CADM2: variants seen among roughly 807,000 people sequenced by gnomAD.
The protein encoded by CADM2 is cell adhesion molecule 2.
Under a neutral mutation model 49.8 loss-of-function variants are expected in CADM2, and 12 were observed. The observed-to-expected ratio is 0.24, with a 90% CI of 0.15 to 0.39. CADM2 has a LOEUF of 0.39. CADM2 is among the 10% of genes least tolerant of loss of function. CADM2 has a pLI of 1.00. For missense variants in CADM2, 378 were observed against 492.3 expected, an observed-to-expected ratio of 0.77 and a Z score of 2.20; for synonymous variants, 214 against 175.4, an observed-to-expected ratio of 1.22 and a Z score of -1.74.
In CADM2 at chr3:85,183,239, C is replaced by A. The variant is rs540982425; in HGVS notation, c.61+223571C>A. The stretch of plus-strand genomic sequence containing the variant: ...AGATTCATTTACTGCACAATGAATG[C>A]AGTTTTATTTTCCACAAAAATTCAC... On this transcript the variant is annotated intron_variant, in intron 1 of 9. Coordinates refer to ENST00000383699, the MANE Select transcript of CADM2 (RefSeq NM_001167675.2). 3.3e-5 allele frequency among the ~76,000 whole-genome samples: 5 copies of A among 152,222 alleles called. No individual in the cohort carries two copies. In the South Asian group the frequency reaches 1.0e-3, roughly 32 times the overall value.
intron 1 of CADM2, among the ~76,000 whole-genome samples, chr3:85,366,962 C>T (rs2032831018): frequency 6.6e-6 from 1 of 151,940 alleles, no homozygotes; most frequent in Non-Finnish European, 1.5e-5. Flanking sequence ...TATTAGTTAA[C>T]ACAGCTATGT....
At chr3:85,444,846 G>A (rs571461704) in intron 1 of CADM2, among the ~76,000 whole-genome samples, 1 of 152,236 alleles carries the variant, frequency 6.6e-6, no homozygotes, top group South Asian at 2.1e-4. Flanking sequence ...ATAAGGCATT[G>A]AGGAAGAAAA....
intron 1 of CADM2, among the ~76,000 whole-genome samples, chr3:85,653,471 G>A (rs763048972): frequency 6.6e-6 from 1 of 151,616 alleles, no homozygotes. Flanking sequence ...AGTATAAAAG[G>A]ACCCCAAGGT....
intron 1 of CADM2, among the ~76,000 whole-genome samples, chr3:85,135,957 C>T (rs1193145854): frequency 2.0e-5 from 3 of 151,848 alleles, no homozygotes; most frequent in African/African-American, 7.2e-5. Context: ...AGTAGAGACC[C>T]TAGAGATTTA....
chr3:85,900,296 G>T (rs1715935817), intron 5 of CADM2, among the ~76,000 whole-genome samples: 1 of 152,116 alleles, frequency 6.6e-6, no homozygotes, highest in African/African-American at 2.4e-5. Context: ...ATGGTAGTGT[G>T]TCTCAACCTT....
intron 1 of CADM2, among the ~76,000 whole-genome samples, chr3:85,166,940 A>G (rs1249055712): frequency 6.6e-6 from 1 of 152,046 alleles, no homozygotes; most frequent in Non-Finnish European, 1.5e-5. Flanking sequence ...CTGAAAACAA[A>G]TGTTCAACCA....
intron 7 of CADM2, among the ~76,000 whole-genome samples, chr3:85,957,063 A>T (rs546952579): frequency 6.6e-6 from 1 of 151,774 alleles, no homozygotes; most frequent in East Asian, 2.0e-4. Context: ...GACTTTGTGG[A>T]AAGGGCAAGA....
intron 1 of CADM2, among the ~76,000 whole-genome samples, chr3:85,619,001 C>G (rs1303949086): frequency 6.6e-6 from 1 of 151,482 alleles, no homozygotes; most frequent in African/African-American, 2.4e-5. Flanking sequence ...AGATCGGCCA[C>G]TGCACTCCAG....
At chr3:84,990,454 T>C (rs1477699547) in intron 1 of CADM2, among the ~76,000 whole-genome samples, 1 of 151,838 alleles carries the variant, frequency 6.6e-6, no homozygotes, top group African/African-American at 2.4e-5. Flanking sequence ...AATTTTGAAG[T>C]AGTTTAAAGG....
intron 1 of CADM2, among the ~76,000 whole-genome samples, chr3:85,562,944 T>C (rs1015031710): frequency 3.3e-5 from 5 of 152,198 alleles, no homozygotes; most frequent in African/African-American, 9.6e-5. Flanking sequence ...AGGGAAATCA[T>C]GGCCTTACAT....
In CADM2 at chr3:85,066,485, C is replaced by G. The variant is rs151232860; in HGVS notation, c.61+106817C>G. On this transcript the variant is annotated intron_variant, in intron 1 of 9. Transcript: ENST00000383699. ...GTTTTGACTTTATGACATGGCACCACAAATCTTTTCAGTTTCACCTCCTTT... is the reference window on the plus strand; with the variant it reads ...GTTTTGACTTTATGACATGGCACCAGAAATCTTTTCAGTTTCACCTCCTTT... Among the ~76,000 whole-genome samples, 353 of 152,140 alleles carry G rather than the reference C, an allele frequency of 2.3e-3. 1 individual carries two copies. Among genetic ancestry groups the G allele is most frequent in the Non-Finnish European group, 3.6e-3 (243 of 67,976 alleles).
At chr3:85,128,536 G>A (rs2039113399) in intron 1 of CADM2, among the ~76,000 whole-genome samples, 1 of 152,134 alleles carries the variant, frequency 6.6e-6, no homozygotes, top group East Asian at 1.9e-4. Context: ...GACAGTATGA[G>A]TTTAATTTGT....
chr3:85,802,478 A>G (rs2072110582), intron 3 of CADM2, among the ~76,000 whole-genome samples: 1 of 151,170 alleles, frequency 6.6e-6, no homozygotes, highest in South Asian at 2.1e-4. Flanking sequence ...ATATTTTCTC[A>G]CTCTTGTAGC....
At chr3:84,970,889 T>TGCAATTTTTGTTGGAG (rs1395847462) in intron 1 of CADM2, among the ~76,000 whole-genome samples, 1 of 152,070 alleles carries the variant, frequency 6.6e-6, no homozygotes, top group African/African-American at 2.4e-5. Flanking sequence ...TAGTTTTTGT[T>TGCAATTTTTGTTGGAG]GCAATTTTTG....
At chr3:85,324,262 A>G (rs1417578578) in intron 1 of CADM2, among the ~76,000 whole-genome samples, 3 of 152,310 alleles carry the variant, frequency 2.0e-5, no homozygotes, top group South Asian at 2.1e-4. Flanking sequence ...ACTCTTCCTA[A>G]TAGTATATAG....
intron 8 of CADM2, among the ~76,000 whole-genome samples, chr3:85,984,050 CTTATA>C (rs1187431055): frequency 2.0e-4 from 30 of 148,944 alleles, no homozygotes; most frequent in South Asian, 6.3e-4. Context: ...TATGATCTAT[CTTATA>C]TTATACATAA....
chr3:85,565,740 A>G (rs559577980), intron 1 of CADM2, among the ~76,000 whole-genome samples: 2 of 152,232 alleles, frequency 1.3e-5, no homozygotes, highest in South Asian at 4.1e-4. Flanking sequence ...AGATGTTCCT[A>G]TAATTTGAAA....
chr3:85,743,418 T>A (rs2068475265), intron 2 of CADM2, among the ~76,000 whole-genome samples: 1 of 152,174 alleles, frequency 6.6e-6, no homozygotes, highest in South Asian at 2.1e-4. Flanking sequence ...TGAAAAGGTT[T>A]GTGCTGCATA....
chr3:85,738,311 A>G (rs2068231253), intron 2 of CADM2, among the ~76,000 whole-genome samples: 1 of 152,200 alleles, frequency 6.6e-6, no homozygotes, highest in South Asian at 2.1e-4. Flanking sequence ...TGATTCATTG[A>G]AGACCTGAAT....
Sources: allele counts gnomAD v4.1 joint callset (sites outside exome capture counted in the v4.1 genomes callset), GRCh38; gene constraint gnomAD v4.1.1; transcripts MANE v1.5; gene names NCBI Gene and HGNC (gene_info 2026-07-23, HGNC 2026-07-21).